Variants in VWC2L observed in about 807,000 individuals in gnomAD.
VWC2L encodes the protein von Willebrand factor C domain containing 2 like.
Under a neutral mutation model 21.6 loss-of-function variants are expected in VWC2L, and 10 were observed. That is an observed-to-expected ratio of 0.46 (90% CI 0.29 to 0.78). The LOEUF is 0.78. VWC2L is among the 30% of genes least tolerant of loss of function. VWC2L has a pLI of 0.10. For missense variants in VWC2L, 209 were observed against 277.1 expected, an observed-to-expected ratio of 0.75 and a Z score of 1.74; for synonymous variants, 96 against 94.3, an observed-to-expected ratio of 1.02 and a Z score of -0.10.
chr2:214,432,847 C>A (rs1007465057), intron 2 of VWC2L, among the ~76,000 whole-genome samples: 53 of 151,896 alleles, frequency 3.5e-4, no homozygotes, highest in African/African-American at 1.2e-3. Flanking sequence ...CATGGTAAGA[C>A]CCTGTCTTTA....
chr2:214,452,297 G>A (rs1398835772), intron 3 of VWC2L, among the ~76,000 whole-genome samples: 1 of 152,142 alleles, frequency 6.6e-6, no homozygotes, highest in Non-Finnish European at 1.5e-5. Context: ...TGGGACTACA[G>A]ATGCACACCA....
intron 3 of VWC2L, among the ~76,000 whole-genome samples, chr2:214,556,372 C>A (rs1689873022): frequency 6.6e-6 from 1 of 152,178 alleles, no homozygotes; most frequent in South Asian, 2.1e-4. Context: ...GAGAAAAACA[C>A]AAACAGTTGG....
intron 3 of VWC2L, among the ~76,000 whole-genome samples, chr2:214,465,137 A>G (rs1703197598): frequency 6.6e-6 from 1 of 151,998 alleles, no homozygotes; most frequent in African/African-American, 2.4e-5. Context: ...ACTGGCCAAG[A>G]TGGTGCCTCA....
chr2:214,510,830 C>A (rs999965444), intron 3 of VWC2L, among the ~76,000 whole-genome samples: 5 of 152,178 alleles, frequency 3.3e-5, no homozygotes, highest in Admixed American at 6.5e-5. Flanking sequence ...AGAATAAAGG[C>A]AACCCTGAAT....
At chr2:214,449,257 T>C (rs1339990891) in intron 3 of VWC2L, among the ~76,000 whole-genome samples, 2 of 152,202 alleles carry the variant, frequency 1.3e-5, no homozygotes, top group African/African-American at 4.8e-5. Context: ...TGTGGTAGGC[T>C]AGAAGTATTG....
At chr2:214,480,088 G>A (rs545653934) in intron 3 of VWC2L, among the ~76,000 whole-genome samples, 1 of 152,178 alleles carries the variant, frequency 6.6e-6, no homozygotes, top group East Asian at 1.9e-4. Context: ...AAAGTATATG[G>A]GAGGATGTGA....
rs1220985436 is a variant in VWC2L, at chr2:214,411,330, A to C, written c.-537A>C. ...AGCGGAGTGGGCTTTAAGCTACAGC[A>C]TGCTGTTGCTGTTTGTGATCCTCAG... On this transcript the variant is annotated 5_prime_UTR_variant, in exon 1 of 4. It removes an upstream start codon present in the reference 5' UTR. Coordinates refer to ENST00000312504, the MANE Select transcript of VWC2L (RefSeq NM_001080500.4). 2 of 152,260 alleles carry C rather than the reference A, an allele frequency of 1.3e-5. No individual in the cohort carries two copies. The highest frequency in any genetic ancestry group is 6.5e-5 in the Admixed American group (1 of 15,276). The allele number at this position is 152,260 out of a possible 1,614,324, so 9.4% of individuals were successfully genotyped here. A position where few individuals can be genotyped will look rare whatever the true frequency, so the allele number is the denominator to read the frequency against.
At chr2:214,561,429 G>A (rs1689968895) in intron 3 of VWC2L, among the ~76,000 whole-genome samples, 1 of 151,962 alleles carries the variant, frequency 6.6e-6, no homozygotes, top group African/African-American at 2.4e-5. Context: ...AATTTTTTGT[G>A]TCTAGTAGCC....
chr2:214,567,697 T>C (rs1340016227), intron 3 of VWC2L, among the ~76,000 whole-genome samples: 1 of 151,916 alleles, frequency 6.6e-6, no homozygotes, highest in Admixed American at 6.6e-5. Flanking sequence ...AAATGAAAAG[T>C]AGTTCTAACT....
chr2:214,483,427 G>C (rs886111126), intron 3 of VWC2L, among the ~76,000 whole-genome samples: 7 of 150,192 alleles, frequency 4.7e-5, no homozygotes, highest in African/African-American at 1.7e-4. Context: ...AAAAAAAAAA[G>C]GAATTTCAAA....
intron 3 of VWC2L, among the ~76,000 whole-genome samples, chr2:214,517,480 T>A (rs971275081): frequency 6.6e-6 from 1 of 152,092 alleles, no homozygotes; most frequent in Non-Finnish European, 1.5e-5. Context: ...CCAAGTAAAT[T>A]AACATCTCTA....
intron 3 of VWC2L, among the ~76,000 whole-genome samples, chr2:214,532,545 A>AT (rs1162526705): frequency 6.6e-6 from 1 of 151,908 alleles, no homozygotes; most frequent in Non-Finnish European, 1.5e-5. Flanking sequence ...TTCACTTTCC[A>AT]TTTTTTGTTG....
chr2:214,435,772 T>C (rs1424765031), intron 2 of VWC2L, among the ~76,000 whole-genome samples: 4 of 152,124 alleles, frequency 2.6e-5, no homozygotes, highest in Non-Finnish European at 4.4e-5. Flanking sequence ...ATGAGAAAAG[T>C]AGAGCTAGAA....
intron 3 of VWC2L, among the ~76,000 whole-genome samples, chr2:214,516,012 A>G (rs1459242240): frequency 6.6e-6 from 1 of 152,186 alleles, no homozygotes. Context: ...ATCCACTGAG[A>G]GATACAGGTG....
At chr2:214,569,980 G>T (rs1371740922) in intron 3 of VWC2L, among the ~76,000 whole-genome samples, 1 of 131,422 alleles carries the variant, frequency 7.6e-6, no homozygotes, top group Non-Finnish European at 1.6e-5. Flanking sequence ...GGGCTTACCA[G>T]GAAAAAAAAA....
chr2:214,451,761 A>C (rs1181337048), intron 3 of VWC2L, among the ~76,000 whole-genome samples: 1 of 152,202 alleles, frequency 6.6e-6, no homozygotes, highest in African/African-American at 2.4e-5. Flanking sequence ...ATGTATTATA[A>C]AGAAGTGCTT....
Position 214,575,801 on chromosome 2 carries a change from A to T in VWC2L, c.650A>T (p.Gln217Leu). The T allele has an allele frequency of 6.2e-7, 1 of 1,613,368 alleles. No homozygotes were observed. The highest frequency in any genetic ancestry group is 1.7e-5 in the Admixed American group (1 of 59,992). ...KPAQCSKREC[Q>L]GKQTV ...GCTCAGTGTTCGAAACGTGAATGCC[A>T]AGGCAAGCAGACTGTGTAGGACAAA... The change falls in exon 4 of 4, where the codon CAA becomes CTA. Residue 217 changes from glutamine to leucine, a missense_variant. Physicochemically the swap from Gln to Leu is moderately radical, Grantham distance 113. Coordinates refer to ENST00000312504, the MANE Select transcript of VWC2L (RefSeq NM_001080500.4).
intron 3 of VWC2L, among the ~76,000 whole-genome samples, chr2:214,541,271 T>A (rs1035251174): frequency 6.8e-6 from 1 of 147,638 alleles, no homozygotes; most frequent in Non-Finnish European, 1.5e-5. Flanking sequence ...TTCATCTTGG[T>A]ACCACCCAAA....
At chr2:214,479,500 C>A (rs1056666941) in intron 3 of VWC2L, among the ~76,000 whole-genome samples, 1 of 152,116 alleles carries the variant, frequency 6.6e-6, no homozygotes, top group African/African-American at 2.4e-5. Flanking sequence ...ATTGACTGTT[C>A]CTAAATTTTT....
Sources: gnomAD v4.1 joint callset for allele counts (sites outside exome capture counted in the v4.1 genomes callset) on GRCh38, gnomAD v4.1.1 for gene constraint, MANE v1.5 for transcripts, NCBI Gene and HGNC (gene_info 2026-07-23, HGNC 2026-07-21) for gene names.